MTAP: variants seen among roughly 807,000 people sequenced by gnomAD.
MTAP encodes the protein S-methyl-5'-thioadenosine phosphorylase.
A neutral mutation model predicts 33.6 loss-of-function variants in MTAP; 33 were observed. The observed-to-expected ratio is 0.98, with a 90% CI of 0.74 to 1.31. MTAP has a LOEUF of 1.31. Ranked by LOEUF, MTAP falls within the 40% of genes most tolerant of loss-of-function variation. The pLI is 0.00. For missense variants in MTAP, 367 were observed against 360.0 expected, an observed-to-expected ratio of 1.02 and a Z score of -0.16; for synonymous variants, 148 against 125.7, an observed-to-expected ratio of 1.18 and a Z score of -1.19.
rs1160088518 is a variant in MTAP at position 21,816,709 on chromosome 9, T to C, written c.121-5T>C. 6.2e-7 allele frequency: 1 copy of C among 1,610,074 alleles called. No homozygotes were observed. Among genetic ancestry groups the C allele is most frequent in the South Asian group, 1.1e-5 (1 of 90,014 alleles). Reference sequence around the variant, plus strand: ...AGTTAAATGTCATTTTTTCATTGCATGCAGCCATCTGATGCCTTAATTTTG... The same window carrying C: ...AGTTAAATGTCATTTTTTCATTGCACGCAGCCATCTGATGCCTTAATTTTG... On this transcript the variant is annotated splice_region_variant and splice_polypyrimidine_tract_variant and intron_variant, in intron 2 of 7. Transcript: ENST00000644715.
At position 21,918,168 on chromosome 9, in the gene MTAP, G is replaced by A. The variant is rs1046142222; in HGVS notation, c.148-12840G>A. 3.8e-5 allele frequency among the ~76,000 whole-genome samples: 5 copies of A among 131,774 alleles called. 1 individual carries two copies. The highest frequency in any genetic ancestry group is 1.9e-4 in the African/African-American group (5 of 26,608). The allele number at this position is 131,774 out of a possible 152,430, so 86.4% of individuals were successfully genotyped here. A position where few individuals can be genotyped will look rare whatever the true frequency, so the allele number is the denominator to read the frequency against. Reference sequence around the variant, plus strand: ...GATCGAGACCATCCCGGCTAAAACGGTGAAACCCCGTCTCTACTAAAAATA... The same window carrying A: ...GATCGAGACCATCCCGGCTAAAACGATGAAACCCCGTCTCTACTAAAAATA... On this transcript the variant is annotated intron_variant, in intron 1 of 1. Transcript: ENST00000577563.
At chr9:21,803,134 C>T (rs1587187566) in intron 1 of MTAP, 2 of 442,514 alleles carry the variant, frequency 4.5e-6, no homozygotes, top group East Asian at 7.2e-5. Flanking sequence ...ATGCCACCAC[C>T]ATTCCTGAGA....
At chr9:21,808,554 A>C (rs149667715) in intron 1 of MTAP, among the ~76,000 whole-genome samples, 121 of 150,202 alleles carry the variant, frequency 8.1e-4, no homozygotes, top group African/African-American at 2.8e-3. Flanking sequence ...TCACCACTGC[A>C]CTCCAGCAGC....
intron 1 of MTAP, among the ~76,000 whole-genome samples, chr9:21,883,000 C>G (rs959777945): frequency 6.6e-6 from 1 of 150,780 alleles, no homozygotes; most frequent in Non-Finnish European, 1.5e-5. Flanking sequence ...AAGTGAGGCC[C>G]CTAACTCAAG....
At chr9:21,831,369 C>G (rs991231508) in intron 4 of MTAP, among the ~76,000 whole-genome samples, 23 of 152,122 alleles carry the variant, frequency 1.5e-4, no homozygotes, top group African/African-American at 5.1e-4. Flanking sequence ...TAGGATCTTT[C>G]TCTGTTGCCC....
chr9:21,846,452 C>G lies in MTAP; in HGVS notation c.451-8179C>G, dbSNP rs1472972654. Among the ~76,000 whole-genome samples, 6 of 150,650 alleles carry G rather than the reference C, an allele frequency of 4.0e-5. No homozygotes were observed. In the East Asian group the frequency reaches 1.2e-3, roughly 29 times the overall value. On this transcript the variant is annotated intron_variant, in intron 5 of 7. Coordinates refer to ENST00000644715, the MANE Select transcript of MTAP (RefSeq NM_002451.4). The stretch of plus-strand genomic sequence containing the variant: ...AAAGGTCGCTAAGTACATGAATAGA[C>G]AATTTTCAAAACACATGGCCAACAC...
intron 1 of MTAP, chr9:21,803,195 G>A (rs1824109466): frequency 2.7e-6 from 1 of 364,756 alleles, no homozygotes; most frequent in African/African-American, 2.1e-5. Flanking sequence ...AGGTGTCCGG[G>A]CGCCTGCAGC....
chr9:21,805,004 A>G (rs1824171910), intron 1 of MTAP, among the ~76,000 whole-genome samples: 1 of 152,218 alleles, frequency 6.6e-6, no homozygotes, highest in South Asian at 2.1e-4. Flanking sequence ...GTATGCAGAA[A>G]GCAGGCTGCC....
chr9:21,911,166 C>T (rs1818570019), intron 1 of MTAP, among the ~76,000 whole-genome samples: 1 of 152,044 alleles, frequency 6.6e-6, no homozygotes, highest in Non-Finnish European at 1.5e-5. Flanking sequence ...ACTTAGACTC[C>T]CACACAGTAA....
chr9:21,817,928 A>T, intron 3 of MTAP, 107 bp from the exon 4 acceptor site: 3 of 1,081,394 alleles, frequency 2.8e-6, no homozygotes, highest in Non-Finnish European at 3.9e-6. Context: ...CCCCTGTGTT[A>T]GTCTGTGGTC....
At chr9:21,872,212 C>G (rs1222300924) in intron 1 of MTAP, among the ~76,000 whole-genome samples, 3 of 152,148 alleles carry the variant, frequency 2.0e-5, no homozygotes, top group Non-Finnish European at 4.4e-5. Flanking sequence ...ACTCAGGAGG[C>G]TGAGCTTAGC....
downstream of MTAP, among the ~76,000 whole-genome samples, chr9:21,869,962 C>G (rs1825912103): frequency 6.6e-6 from 1 of 152,170 alleles, no homozygotes; most frequent in Non-Finnish European, 1.5e-5. Context: ...CTCTGACTTC[C>G]TCTCACTACT....
At chr9:21,826,447 C>T (rs777592293) in intron 4 of MTAP, among the ~76,000 whole-genome samples, 101 of 151,520 alleles carry the variant, frequency 6.7e-4, no homozygotes, top group Middle Eastern at 3.4e-3. Context: ...TCTCCCGGCC[C>T]CTGTGTTTGC....
chr9:21,839,164 T>C (rs1427991799), intron 5 of MTAP, among the ~76,000 whole-genome samples: 2 of 143,186 alleles, frequency 1.4e-5, no homozygotes, highest in Non-Finnish European at 3.0e-5. Flanking sequence ...AAAGTACGTC[T>C]TTTACTTGGT....
intron 5 of MTAP, among the ~76,000 whole-genome samples, chr9:21,851,267 A>C (rs996499823): frequency 1.3e-5 from 2 of 152,232 alleles, no homozygotes; most frequent in African/African-American, 4.8e-5. Flanking sequence ...GAAGGTAGTC[A>C]TCGATACCAG....
At chr9:21,839,244 A>G (rs756361088) in intron 5 of MTAP, among the ~76,000 whole-genome samples, 4 of 150,280 alleles carry the variant, frequency 2.7e-5, no homozygotes, top group African/African-American at 4.9e-5. Context: ...CTGGATAGTT[A>G]TCCACAGAAT....
intron 1 of MTAP, among the ~76,000 whole-genome samples, chr9:21,918,719 C>T (rs1461474694): frequency 6.6e-6 from 1 of 152,132 alleles, no homozygotes; most frequent in Non-Finnish European, 1.5e-5. Context: ...GAATAAATCT[C>T]ACAAGATCTG....
In MTAP at chr9:21,859,262, AT is replaced by A. The variant is rs774849499; in HGVS notation, c.691-37del. ...AAAATGTTTTATGACAAGCAGTGGA[AT>A]TTTAAGTTCTAGTAACCTCCAGTGC... On this transcript the variant is annotated intron_variant, in intron 6 of 7. Coordinates refer to ENST00000644715, the MANE Select transcript of MTAP (RefSeq NM_002451.4). The A allele has an allele frequency of 4.4e-5, 69 of 1,572,006 alleles. No homozygotes were observed. The East Asian group carries it at 1.5e-3, about 34-fold the overall frequency.
At chr9:21,850,836 G>A (rs189282326) in intron 5 of MTAP, among the ~76,000 whole-genome samples, 106 of 152,260 alleles carry the variant, frequency 7.0e-4, no homozygotes, top group Middle Eastern at 3.4e-3. Flanking sequence ...AATGGAAATG[G>A]TATATATATG....
Sources: gnomAD v4.1 joint callset for allele counts (sites outside exome capture counted in the v4.1 genomes callset) on GRCh38, gnomAD v4.1.1 for gene constraint, MANE v1.5 for transcripts, NCBI Gene and HGNC (gene_info 2026-07-23, HGNC 2026-07-21) for gene names.